PAFAH1B2: variants seen among roughly 807,000 people sequenced by gnomAD.
The protein encoded by PAFAH1B2 is platelet-activating factor acetylhydrolase IB subunit alpha2.
In PAFAH1B2, 8 loss-of-function variants were observed where a neutral mutation model predicts 28.0. That is an observed-to-expected ratio of 0.29 (90% CI 0.17 to 0.52). The LOEUF (loss-of-function observed/expected upper bound fraction) is 0.52. Ranked by LOEUF, PAFAH1B2 falls within the 20% of genes least tolerant of loss-of-function variation. PAFAH1B2 has a pLI of 0.97. For missense variants in PAFAH1B2, 190 were observed against 282.6 expected (o/e 0.67, Z 2.35); for synonymous variants, 104 against 103.2 (o/e 1.01, Z -0.05).
chr11:117,145,215 G>C (rs956022630), intron 1 of PAFAH1B2, among the ~76,000 whole-genome samples: 2 of 152,166 alleles, frequency 1.3e-5, no homozygotes, highest in Admixed American at 1.3e-4. Context: ...CCGTTTGCCA[G>C]ATCCGTGCCT....
chr11:117,171,511 G>C (rs991958721), downstream of PAFAH1B2: 7 of 580,358 alleles, frequency 1.2e-5, no homozygotes, highest in Non-Finnish European at 2.2e-5. Context: ...ACTCCAGCCT[G>C]GGCAACAGAG....
intron 1 of PAFAH1B2, among the ~76,000 whole-genome samples, chr11:117,149,429 C>CATTTTTTTTTTTT (rs1565260556): frequency 3.0e-5 from 1 of 33,518 alleles, no homozygotes; most frequent in African/African-American, 1.1e-4. Flanking sequence ...GTTTTCTAAT[C>CATTTTTTTTTTTT]GTTTTTTTTT....
At chr11:117,145,571 TGTG>T (rs1343959808) in intron 1 of PAFAH1B2, among the ~76,000 whole-genome samples, 1 of 152,186 alleles carries the variant, frequency 6.6e-6, no homozygotes, top group Non-Finnish European at 1.5e-5. Flanking sequence ...GTTGCCTCCT[TGTG>T]GGGGAGAAGG....
At position 117,159,931 on chromosome 11, in the gene PAFAH1B2, C is replaced by T. The variant is rs749689438; in HGVS notation, c.82-3C>T. 1.4e-5 allele frequency: 22 copies of T among 1,610,920 alleles called. No individual in the cohort carries two copies. The highest frequency in any genetic ancestry group is 3.3e-5 in the Admixed American group (2 of 59,946). ...TAATTTTTTTTTTTCTTCTTCAAAC[C>T]AGCACAACAGATTTGTTTTGGACTG... On this transcript the variant is annotated splice_polypyrimidine_tract_variant and splice_region_variant and intron_variant, in intron 2 of 5. Transcript: ENST00000527958.
chr11:117,149,430 G>GTTTTTTTTTTTTTTTTTTTT lies in PAFAH1B2; in HGVS notation c.-7-2997_-7-2996insTTTTTTTTTTTTTTTTTTTT, dbSNP rs746125678. On this transcript the variant is annotated intron_variant, in intron 1 of 5. Coordinates refer to ENST00000527958, the MANE Select transcript of PAFAH1B2 (RefSeq NM_002572.4). ...TTAATTTAAAAAAAGTTTTCTAATC[G>GTTTTTTTTTTTTTTTTTTTT]TTTTTTTTTTTTTTGAGATGGAGTC... Among the ~76,000 whole-genome samples, 127 of 86,064 alleles carry GTTTTTTTTTTTTTTTTTTTT rather than the reference G, an allele frequency of 1.5e-3. 29 individuals are homozygous for GTTTTTTTTTTTTTTTTTTTT. The highest frequency in any genetic ancestry group is 2.3e-3 in the South Asian group (6 of 2,604). The allele number at this position is 86,064 out of a possible 152,430, so 56.5% of individuals were successfully genotyped here.
intron 1 of PAFAH1B2, among the ~76,000 whole-genome samples, chr11:117,150,255 C>T (rs544648412): frequency 6.6e-6 from 1 of 152,290 alleles, no homozygotes; most frequent in Non-Finnish European, 1.5e-5. Flanking sequence ...TCCAGCGATT[C>T]TCCTGCCCCA....
chr11:117,153,322 C>G (rs554872238), intron 2 of PAFAH1B2, among the ~76,000 whole-genome samples: 1 of 152,204 alleles, frequency 6.6e-6, no homozygotes, highest in South Asian at 2.1e-4. Context: ...CAATTGTTAA[C>G]ATTTTACCGT....
At position 117,165,188 on chromosome 11, in the gene PAFAH1B2, G is replaced by C. The variant is rs147322130; in HGVS notation, c.411+1296G>C. ...GCCATGGTCTCGATCTCCTGACCTC[G>C]TGATCTGCCTGCCTTGGCCTCCCAA... On this transcript the variant is annotated intron_variant, in intron 5 of 5. Transcript: ENST00000527958. 5.2e-3 allele frequency among the ~76,000 whole-genome samples: 790 copies of C among 151,556 alleles called. 11 individuals are homozygous for C. The highest frequency in any genetic ancestry group is 0.018 in the African/African-American group (726 of 41,352).
intron 2 of PAFAH1B2, among the ~76,000 whole-genome samples, chr11:117,154,899 A>G (rs940313213): frequency 6.6e-6 from 1 of 152,162 alleles, no homozygotes; most frequent in African/African-American, 2.4e-5. Flanking sequence ...CTGGTAATTG[A>G]TACATGGAGG....
downstream of PAFAH1B2, among the ~76,000 whole-genome samples, chr11:117,174,200 GTGTGT>G (rs1286185209): frequency 1.3e-5 from 2 of 148,774 alleles, no homozygotes; most frequent in African/African-American, 5.2e-5. Flanking sequence ...GTGTGTGTGT[GTGTGT>G]GGCAGTTTCA....
In PAFAH1B2 at chr11:117,152,828, T is replaced by C. The variant is rs191836038; in HGVS notation, c.81+300T>C. ...TGGCTCACGCCTATAATCCCAACAC[T>C]TGGGGAGGCCGAGGTGGGCGGATCA... On this transcript the variant is annotated intron_variant, in intron 2 of 5. Transcript: ENST00000527958. 2.6e-4 allele frequency among the ~76,000 whole-genome samples: 39 copies of C among 152,228 alleles called. No homozygotes were observed. The East Asian group carries it at 5.4e-3, about 21-fold the overall frequency.
At chr11:117,158,864 C>T (rs753208983) in intron 2 of PAFAH1B2, among the ~76,000 whole-genome samples, 4 of 151,996 alleles carry the variant, frequency 2.6e-5, no homozygotes, top group Admixed American at 6.6e-5. Context: ...GGGCTGGTCT[C>T]GAACTCCCAA....
Position 117,167,920 on chromosome 11 carries a change from T to A in PAFAH1B2, c.*221T>A. 1 of 1,172,156 alleles carries A rather than the reference T, an allele frequency of 8.5e-7. No homozygotes were observed. The highest frequency in any genetic ancestry group is 1.1e-6 in the Non-Finnish European group (1 of 949,428). The allele number at this position is 1,172,156 out of a possible 1,614,324, so 72.6% of individuals were successfully genotyped here. On this transcript the variant is annotated 3_prime_UTR_variant, in exon 6 of 6. Coordinates refer to ENST00000527958, the MANE Select transcript of PAFAH1B2 (RefSeq NM_002572.4). ...AGCCAAGGAAGATTGTTGTTTAAAT[T>A]CATTTGAAACCAGAAGGGGACTTTT...
intron 5 of PAFAH1B2, among the ~76,000 whole-genome samples, chr11:117,166,660 CAGTTATTCCAG>C (rs1956517914): frequency 6.6e-6 from 1 of 152,176 alleles, no homozygotes; most frequent in Non-Finnish European, 1.5e-5. Context: ...AAAATTAAAA[CAGTTATTCCAG>C]GGTTATTCCA....
downstream of PAFAH1B2, chr11:117,175,905 G>A (rs902405924): frequency 2.0e-6 from 3 of 1,535,838 alleles, no homozygotes; most frequent in Non-Finnish European, 2.6e-6. Context: ...TAATGTTTCA[G>A]ATTATTTACT....
rs746125678 is a variant in PAFAH1B2 at position 117,149,430 on chromosome 11, G to GTTTTTTTTTTTTTTTTTTT, written c.-7-2997_-7-2996insTTTTTTTTTTTTTTTTTTT. ...TTAATTTAAAAAAAGTTTTCTAATC[G>GTTTTTTTTTTTTTTTTTTT]TTTTTTTTTTTTTTGAGATGGAGTC... On this transcript the variant is annotated intron_variant, in intron 1 of 5. Transcript: ENST00000527958. Among the ~76,000 whole-genome samples, 442 of 86,062 alleles carry GTTTTTTTTTTTTTTTTTTT rather than the reference G, an allele frequency of 5.1e-3. 116 individuals carry two copies. The highest frequency in any genetic ancestry group is 7.6e-3 in the African/African-American group (164 of 21,574). 56.5% of individuals were successfully genotyped at this position (86,062 alleles called of 152,430 possible). A position where few individuals can be genotyped will look rare whatever the true frequency, so the allele number is the denominator to read the frequency against.
rs769113605 is a variant in PAFAH1B2, at chr11:117,168,090, C to G, written c.*391C>G. ...TATAATAATTATCAGAATCATTCTACTTGGCTTTAAAACATGTTTTCTCCA... is the reference window on the plus strand; with the variant it reads ...TATAATAATTATCAGAATCATTCTAGTTGGCTTTAAAACATGTTTTCTCCA... On this transcript the variant is annotated 3_prime_UTR_variant, in exon 6 of 6. Coordinates refer to ENST00000527958, the MANE Select transcript of PAFAH1B2 (RefSeq NM_002572.4). 1 of 1,056,306 alleles carries G rather than the reference C, an allele frequency of 9.5e-7. No individual in the cohort carries two copies. Among genetic ancestry groups the G allele is most frequent in the Non-Finnish European group, 1.1e-6 (1 of 872,790 alleles). The allele number at this position is 1,056,306 out of a possible 1,614,324, so 65.4% of individuals were successfully genotyped here. A position where few individuals can be genotyped will look rare whatever the true frequency, so the allele number is the denominator to read the frequency against.
At chr11:117,144,887 C>T (rs1327050674) in intron 1 of PAFAH1B2, among the ~76,000 whole-genome samples, 1 of 152,216 alleles carries the variant, frequency 6.6e-6, no homozygotes, top group East Asian at 1.9e-4. Flanking sequence ...ACTTCTCACT[C>T]TTCTCTCCCC....
downstream of PAFAH1B2, chr11:117,175,099 G>A (rs546015138): frequency 1.4e-5 from 18 of 1,258,720 alleles, no homozygotes; most frequent in Non-Finnish European, 1.7e-5. Context: ...CTCAGGAAGG[G>A]TGGTCCACAG....
Sources: gnomAD v4.1 joint callset for allele counts (sites outside exome capture counted in the v4.1 genomes callset) on GRCh38, gnomAD v4.1.1 for gene constraint, MANE v1.5 for transcripts, NCBI Gene and HGNC (gene_info 2026-07-23, HGNC 2026-07-21) for gene names.